The following PUS10 variants were observed in gnomAD, a reference collection of about 807,000 sequenced individuals.
PUS10 encodes the protein pseudouridine synthase 10.
Under a neutral mutation model 75.0 loss-of-function variants are expected in PUS10, and 59 were observed. That is an observed-to-expected ratio of 0.79 (90% CI 0.64 to 0.98). The LOEUF (loss-of-function observed/expected upper bound fraction) is 0.98, where lower values mean the gene tolerates loss of function less well. PUS10 is among the 50% of genes least tolerant of loss of function. The probability of loss-of-function intolerance (pLI) is 0.00; values close to 1 mark genes in which losing one functional copy is unlikely to be tolerated. For synonymous variants in PUS10, 219 were observed against 211.6 expected (o/e 1.03, Z -0.30); for missense variants, 650 against 614.4 (o/e 1.06, Z -0.61).
chr2:60,969,081 A>G (rs1379509886), intron 5 of PUS10, among the ~76,000 whole-genome samples: 2 of 152,242 alleles, frequency 1.3e-5, no homozygotes, highest in African/African-American at 2.4e-5. Context: ...AAAACTGTTT[A>G]CATTCTGGAA....
intron 11 of PUS10, among the ~76,000 whole-genome samples, chr2:60,959,833 A>G (rs761397454): frequency 1.3e-5 from 2 of 152,196 alleles, no homozygotes; most frequent in African/African-American, 2.4e-5. Flanking sequence ...GATTAACAAA[A>G]TATAGAAATC....
At chr2:61,010,675 T>TA (rs1679542020) in intron 2 of PUS10, 5 of 1,212,316 alleles carry the variant, frequency 4.1e-6, no homozygotes, top group African/African-American at 3.0e-5. Context: ...TATTGTCCCT[T>TA]AAAGTCCTGT....
At chr2:60,966,370 T>A (rs1379499930) in intron 6 of PUS10, 1 of 152,278 alleles carries the variant, frequency 6.6e-6, no homozygotes, top group Non-Finnish European at 1.5e-5. Context: ...TTTGTCTTTA[T>A]ATTTACTGAG....
At chr2:60,980,328 TCTC>T (rs1437549746) in intron 4 of PUS10, among the ~76,000 whole-genome samples, 1 of 152,224 alleles carries the variant, frequency 6.6e-6, no homozygotes, top group Non-Finnish European at 1.5e-5. Context: ...GCCAGCATCT[TCTC>T]TGAAACATTT....
intron 4 of PUS10, among the ~76,000 whole-genome samples, chr2:60,996,294 GC>G (rs1303670483): frequency 1.3e-5 from 2 of 152,120 alleles, no homozygotes; most frequent in Non-Finnish European, 2.9e-5. Flanking sequence ...GCCAACCAGG[GC>G]TTGGGTTCTA....
chr2:60,960,902 C>T (rs2104329142), intron 10 of PUS10, among the ~76,000 whole-genome samples: 1 of 146,168 alleles, frequency 6.8e-6, no homozygotes, highest in South Asian at 2.1e-4. Context: ...AGTAAAGCTA[C>T]AGTAAGGCAG....
At chr2:60,987,790 G>C (rs1285599479) in intron 4 of PUS10, among the ~76,000 whole-genome samples, 1 of 152,140 alleles carries the variant, frequency 6.6e-6, no homozygotes, top group African/African-American at 2.4e-5. Flanking sequence ...GGGCCTGCCT[G>C]TAATCTCTGC....
rs1347469578 is a variant in PUS10 at position 60,962,855 on chromosome 2, C to G, written c.759G>C (p.Leu253Phe). Residue 253 changes from leucine (L) to phenylalanine (F), a missense_variant, in exon 9 of 18, where the codon TTG (leucine) becomes TTC (phenylalanine). Coordinates refer to ENST00000316752, the MANE Select transcript of PUS10 (RefSeq NM_144709.4). Reference sequence around the variant, plus strand: ...GGAAATCCTCTTCCTTTATCTTATTCAAGGCTTTCATAACTGCCATTCTAG... The same window carrying G: ...GGAAATCCTCTTCCTTTATCTTATTGAAGGCTTTCATAACTGCCATTCTAG... ...VFTRMAVMKA[L>F]NKIKEEDFLK... The G allele has an allele frequency of 1.9e-6, 3 of 1,571,890 alleles. No homozygotes were observed. Among genetic ancestry groups the G allele is most frequent in the African/African-American group, 2.8e-5 (2 of 70,852 alleles).
chr2:61,017,995 C>G lies in PUS10; in HGVS notation c.-16+13G>C, dbSNP rs768334421. 6.1e-5 allele frequency: 80 copies of G among 1,320,572 alleles called. No homozygotes were observed. The highest frequency in any genetic ancestry group is 7.8e-5 in the Non-Finnish European group (76 of 971,396). The allele number at this position is 1,320,572 out of a possible 1,614,324, so 81.8% of individuals were successfully genotyped here. On this transcript the variant is annotated intron_variant, in intron 1 of 17. Coordinates refer to ENST00000316752, the MANE Select transcript of PUS10 (RefSeq NM_144709.4). ...CTTGGGGATAGGGGCCGAGGTGGAG[C>G]TGGGGCGCTTACCAGTGGGGACTTT... is the stretch of plus-strand genomic sequence containing the variant.
chr2:60,942,585 C>G, intron 17 of PUS10, 152 bp from the exon 18 acceptor site: 1 of 642,800 alleles, frequency 1.6e-6, no homozygotes, highest in South Asian at 2.1e-5. Context: ...AATTAACCCT[C>G]AAGTCTGTTC....
chr2:61,007,135 A>C (rs1014009294), intron 3 of PUS10, among the ~76,000 whole-genome samples: 1 of 152,186 alleles, frequency 6.6e-6, no homozygotes, highest in Non-Finnish European at 1.5e-5. Flanking sequence ...AATAGCACTT[A>C]TGACTGAAAT....
At chr2:60,989,308 G>C (rs1677927284) in intron 4 of PUS10, among the ~76,000 whole-genome samples, 1 of 152,172 alleles carries the variant, frequency 6.6e-6, no homozygotes, top group African/African-American at 2.4e-5. Context: ...GCAGCCAGGT[G>C]AATGTCCCTC....
chr2:60,965,007 TCAGC>T, intron 8 of PUS10, 47 bp downstream of exon 8: 1 of 1,519,578 alleles, frequency 6.6e-7, no homozygotes, highest in Non-Finnish European at 9.1e-7. Flanking sequence ...ATTTGAATAT[TCAGC>T]TCAGACAAAA....
At position 60,954,128 on chromosome 2, in the gene PUS10, G is replaced by C. The variant is rs1416608224; in HGVS notation, c.1088C>G (p.Pro363Arg). The change falls in exon 13 of 18, where the codon CCT becomes CGT. Residue 363 changes from proline (P) to arginine (R), a missense_variant. By Grantham distance (103) the Pro-to-Arg change is moderately radical (BLOSUM62 -2). Coordinates refer to ENST00000316752, the MANE Select transcript of PUS10 (RefSeq NM_144709.4). ...GRPFAIELVN[P>R]HRVHFTSQEI... ...TTGTGAAGTGAAATGTACTCTATGA[G>C]GATTCACCAGCTCAATTGCAAAGGG... 2 of 1,613,990 alleles carry C rather than the reference G, an allele frequency of 1.2e-6. No individual in the cohort carries two copies. Among genetic ancestry groups the C allele is most frequent in the African/African-American group, 2.7e-5 (2 of 74,908 alleles).
chr2:60,971,291 AAC>A (rs1442669495), intron 5 of PUS10, among the ~76,000 whole-genome samples: 2 of 152,176 alleles, frequency 1.3e-5, no homozygotes, highest in African/African-American at 2.4e-5. Flanking sequence ...TTCATATTAA[AAC>A]ACACAAAAAA....
chr2:60,974,184 G>GAA (rs1318128859), intron 4 of PUS10, among the ~76,000 whole-genome samples: 3 of 148,778 alleles, frequency 2.0e-5, no homozygotes, highest in African/African-American at 7.5e-5. Flanking sequence ...GGTCTTCTCT[G>GAA]AACTGTTCTA....
Position 61,017,753 on chromosome 2 carries a change from G to T in PUS10, c.-16+255C>A, listed in dbSNP as rs200847026. 7 of 1,548,836 alleles carry T rather than the reference G, an allele frequency of 4.5e-6. No homozygotes were observed. In the East Asian group the frequency reaches 1.7e-4, roughly 38 times the overall value. ...GTAGGAGCGGGAGCCGAGAGGAGGC[G>T]GAGGAGATGGCGTCCCAGCCGCCAC... On this transcript the variant is annotated intron_variant, in intron 1 of 17. Transcript: ENST00000316752.
intron 4 of PUS10, among the ~76,000 whole-genome samples, chr2:60,980,798 T>C (rs556466582): frequency 3.3e-5 from 5 of 152,262 alleles, no homozygotes; most frequent in Non-Finnish European, 7.3e-5. Flanking sequence ...AAAGAAGATT[T>C]AAAGAATTAT....
At chr2:61,003,834 G>A (rs180742034) in intron 4 of PUS10, among the ~76,000 whole-genome samples, 1 of 152,244 alleles carries the variant, frequency 6.6e-6, no homozygotes, top group Admixed American at 6.5e-5. Flanking sequence ...GAGCTACTGT[G>A]ACTAGCCATT....
Sources: gnomAD v4.1 joint callset for allele counts (sites outside exome capture counted in the v4.1 genomes callset) on GRCh38, gnomAD v4.1.1 for gene constraint, MANE v1.5 for transcripts, NCBI Gene and HGNC (gene_info 2026-07-23, HGNC 2026-07-21) for gene names.